The following ZFHX3 variants were observed in gnomAD, a reference collection of about 807,000 sequenced individuals.
ZFHX3 encodes zinc finger homeobox 3.
ZFHX3 carries 42 observed loss-of-function variants against 279.1 expected under a neutral mutation model. That is an observed-to-expected ratio of 0.15 (90% CI 0.12 to 0.19). The LOEUF is 0.19. Among genes scored for constraint, ZFHX3 ranks in the 10% least tolerant of loss-of-function variants. ZFHX3 has a pLI of 1.00. For synonymous variants in ZFHX3, 2,293 were observed against 1,957.8 expected, an observed-to-expected ratio of 1.17 and a Z score of -4.52; for missense variants, 4,981 against 4,754.0, an observed-to-expected ratio of 1.05 and a Z score of -1.40.
chr16:73,233,175 G>A (rs1222085366), intron 5 of ZFHX3: 2 of 150,432 alleles, frequency 1.3e-5, no homozygotes, highest in Admixed American at 6.6e-5. Flanking sequence ...CCGTCGCTCC[G>A]GTGGGAAGCT....
At chr16:73,849,996 G>A (rs940844279) in intron 1 of ZFHX3, among the ~76,000 whole-genome samples, 1 of 152,210 alleles carries the variant, frequency 6.6e-6, no homozygotes, top group Non-Finnish European at 1.5e-5. Flanking sequence ...GCCTCCCAAA[G>A]TGCTGGGATT....
intron 2 of ZFHX3, among the ~76,000 whole-genome samples, chr16:73,572,305 T>C (rs1227425778): frequency 6.6e-6 from 1 of 152,086 alleles, no homozygotes; most frequent in Admixed American, 6.6e-5. Flanking sequence ...GGAATTCCAG[T>C]TCTTGAAGAG....
At chr16:72,930,108 C>T (rs1397575214) in intron 3 of ZFHX3, among the ~76,000 whole-genome samples, 2 of 152,132 alleles carry the variant, frequency 1.3e-5, no homozygotes, top group Non-Finnish European at 2.9e-5. Flanking sequence ...ATCCCAGCTA[C>T]TTGGGAGGCT....
intron 4 of ZFHX3, among the ~76,000 whole-genome samples, chr16:72,870,717 C>CAAAA (rs71156125): frequency 6.9e-5 from 7 of 101,410 alleles, no homozygotes; most frequent in Non-Finnish European, 9.8e-5. Flanking sequence ...GACTCTGTCT[C>CAAAA]AAAAAAAAAA....
chr16:73,083,753 C>T (rs1304724134), intron 8 of ZFHX3, among the ~76,000 whole-genome samples: 3 of 152,168 alleles, frequency 2.0e-5, no homozygotes, highest in Non-Finnish European at 4.4e-5. Flanking sequence ...TGGTCTCAAA[C>T]TCCTGGGCTC....
At chr16:73,391,404 G>A (rs1272986065) in intron 3 of ZFHX3, among the ~76,000 whole-genome samples, 2 of 151,372 alleles carry the variant, frequency 1.3e-5, no homozygotes, top group African/African-American at 4.9e-5. Flanking sequence ...GTGAGCCAAG[G>A]TCATGCCACT....
intron 2 of ZFHX3, among the ~76,000 whole-genome samples, chr16:73,630,616 T>C (rs2052459699): frequency 6.6e-6 from 1 of 152,184 alleles, no homozygotes; most frequent in Non-Finnish European, 1.5e-5. Flanking sequence ...AAAACAACAG[T>C]TCATTAATGA....
intron 4 of ZFHX3, among the ~76,000 whole-genome samples, chr16:72,833,653 C>T (rs918378668): frequency 1.3e-5 from 2 of 152,272 alleles, no homozygotes; most frequent in East Asian, 1.9e-4. Flanking sequence ...TTCCCAAGGG[C>T]GTGGCCAGGA....
At chr16:73,771,775 T>A (rs1408769901) in intron 1 of ZFHX3, among the ~76,000 whole-genome samples, 4 of 145,964 alleles carry the variant, frequency 2.7e-5, no homozygotes, top group Non-Finnish European at 6.0e-5. Context: ...TTTTTTTTTT[T>A]ACTAATGGCT....
chr16:73,526,604 A>G (rs1432816701), intron 2 of ZFHX3, among the ~76,000 whole-genome samples: 2 of 152,146 alleles, frequency 1.3e-5, no homozygotes, highest in East Asian at 1.9e-4. Context: ...TAGTTATTCT[A>G]ATTTATTGGT....
rs370613945 is a variant in ZFHX3, at chr16:72,957,961, C to T, written c.2185G>A (p.Glu729Lys). 3.4e-5 allele frequency: 55 copies of T among 1,614,012 alleles called. No homozygotes were observed. Among genetic ancestry groups the T allele is most frequent in the Non-Finnish European group, 4.3e-5 (51 of 1,180,050 alleles). ...GTAGTTGTGGAGTAGTTACACACCT[C>T]GCAGCGGAAAGGCTTGTAACCACAC... ...YTCGYKPFRC[E>K]VCNYSTTTKG... is the part of the protein sequence containing the mutation. Residue 729 changes from glutamate (E) to lysine (K), a missense_variant, in exon 2 of 10, where the codon GAG becomes AAG. By Grantham distance (56) the Glu-to-Lys change is moderately conservative. This residue lies in a region of ZFHX3 where 39 missense variants were observed against 68.2 expected (regional missense o/e 0.57). Transcript: ENST00000268489.
At chr16:73,583,985 A>G (rs1486236173) in intron 2 of ZFHX3, among the ~76,000 whole-genome samples, 3 of 152,242 alleles carry the variant, frequency 2.0e-5, no homozygotes, top group African/African-American at 7.2e-5. Flanking sequence ...TAGTACATTT[A>G]CAAATTTTTA....
chr16:73,053,083 C>T (rs1234187390), upstream of ZFHX3, among the ~76,000 whole-genome samples: 1 of 151,992 alleles, frequency 6.6e-6, no homozygotes, highest in Non-Finnish European at 1.5e-5. Flanking sequence ...AAGAACAAAA[C>T]AATAATTTTT....
At chr16:73,279,284 A>G (rs2014397067) in intron 4 of ZFHX3, among the ~76,000 whole-genome samples, 1 of 152,176 alleles carries the variant, frequency 6.6e-6, no homozygotes, top group East Asian at 1.9e-4. Flanking sequence ...CAAACATCCC[A>G]AAGACTACGA....
chr16:73,381,080 A>C (rs2016811008), intron 3 of ZFHX3, among the ~76,000 whole-genome samples: 2 of 152,176 alleles, frequency 1.3e-5, no homozygotes, highest in African/African-American at 4.8e-5. Context: ...CCCTGTTTAA[A>C]TTACTGGTGT....
chr16:72,937,127 C>T (rs1032106541), intron 3 of ZFHX3, among the ~76,000 whole-genome samples: 4 of 152,054 alleles, frequency 2.6e-5, no homozygotes, highest in African/African-American at 9.7e-5. Context: ...CCATGCTAAG[C>T]CTGCGGAGTT....
chr16:73,675,272 T>C (rs1597059831), intron 2 of ZFHX3, among the ~76,000 whole-genome samples: 1 of 152,214 alleles, frequency 6.6e-6, no homozygotes, highest in Middle Eastern at 3.4e-3. Context: ...ACAGCCCAAG[T>C]ACCCTCTAAG....
chr16:73,497,485 A>G (rs2019161425), intron 2 of ZFHX3, among the ~76,000 whole-genome samples: 1 of 152,168 alleles, frequency 6.6e-6, no homozygotes, highest in South Asian at 2.1e-4. Flanking sequence ...CCTGGGCAAC[A>G]AAGTGACACC....
rs1012464360 is a variant in ZFHX3, at chr16:73,324,417, A to C, written c.-1290-6081T>G. On this transcript the variant is annotated intron_variant, in intron 3 of 17. Coordinates refer to the ZFHX3 transcript ENST00000641206. ...TTCTCCTCTACTTCTAGACACATGA[A>C]GGGCTGTACTGCCCAGCTCCCTTGA... is the stretch of plus-strand genomic sequence containing the variant. 1.6e-4 allele frequency among the ~76,000 whole-genome samples: 24 copies of C among 152,208 alleles called. 1 individual carries two copies.
Sources: gnomAD v4.1 joint callset for allele counts (sites outside exome capture counted in the v4.1 genomes callset) on GRCh38, gnomAD v4.1.1 for gene constraint, gnomAD v4.1.1 regional missense constraint, MANE v1.5 for transcripts, NCBI Gene and HGNC (gene_info 2026-07-23, HGNC 2026-07-21) for gene names.